Variants in PHLDB2 observed in about 807,000 individuals in gnomAD.
The protein encoded by PHLDB2 is pleckstrin homology-like domain family B member 2.
Under a neutral mutation model 123.6 loss-of-function variants are expected in PHLDB2, and 71 were observed. The ratio of observed to expected loss-of-function variants is 0.57; its 90% CI spans 0.47 to 0.70. The LOEUF (loss-of-function observed/expected upper bound fraction) is 0.70, where lower values mean the gene tolerates loss of function less well. Among genes scored for constraint, PHLDB2 ranks in the 30% least tolerant of loss-of-function variants. PHLDB2 has a pLI of 0.00. For missense variants in PHLDB2, 1,446 were observed against 1,519.5 expected, an observed-to-expected ratio of 0.95 and a Z score of 0.80; for synonymous variants, 547 against 541.6, an observed-to-expected ratio of 1.01 and a Z score of -0.14.
At chr3:111,868,400 C>G (rs1260967770) in intron 1 of PHLDB2, among the ~76,000 whole-genome samples, 3 of 152,038 alleles carry the variant, frequency 2.0e-5, no homozygotes, top group Non-Finnish European at 4.4e-5. Context: ...TTGGTATGCG[C>G]CCTCAGTCTC....
chr3:111,786,933 G>A (rs2060702015), intron 1 of PHLDB2, among the ~76,000 whole-genome samples: 1 of 152,060 alleles, frequency 6.6e-6, no homozygotes, highest in Admixed American at 6.6e-5. Flanking sequence ...AGCCTCAGAT[G>A]CAAAAACCAG....
chr3:111,883,959 C>T, intron 1 of PHLDB2, 105 bp from the exon 2 acceptor site: 1 of 1,052,120 alleles, frequency 9.5e-7, no homozygotes, highest in Non-Finnish European at 1.4e-6. Flanking sequence ...TTGTTAGTTG[C>T]ATTAGGTCAG....
intron 2 of PHLDB2, among the ~76,000 whole-genome samples, chr3:111,886,518 G>A (rs1303634562): frequency 1.3e-5 from 2 of 151,554 alleles, no homozygotes; most frequent in Non-Finnish European, 2.9e-5. Flanking sequence ...TTCTTCTCCA[G>A]TGTGGCCCAA....
At chr3:111,940,758 GA>G (rs1372981142) in intron 8 of PHLDB2, 113 bp downstream of exon 8, 6 of 472,566 alleles carry the variant, frequency 1.3e-5, no homozygotes, top group African/African-American at 1.2e-4. Flanking sequence ...ACAATTTAAG[GA>G]AGATTTTTAT....
chr3:111,972,733 G>A (rs1347679338), intron 16 of PHLDB2, among the ~76,000 whole-genome samples: 1 of 151,972 alleles, frequency 6.6e-6, no homozygotes, highest in Non-Finnish European at 1.5e-5. Flanking sequence ...TAACTTTGTA[G>A]ATTTCATTGT....
chr3:111,834,239 A>AC (rs1553737366), intron 1 of PHLDB2, among the ~76,000 whole-genome samples: 5 of 84,940 alleles, frequency 5.9e-5, no homozygotes, highest in Non-Finnish European at 1.0e-4. Flanking sequence ...TTATGTATAT[A>AC]ATAGAATTAT....
intron 2 of PHLDB2, among the ~76,000 whole-genome samples, chr3:111,848,517 C>A (rs1032466002): frequency 6.6e-6 from 1 of 152,226 alleles, no homozygotes; most frequent in Admixed American, 6.5e-5. Context: ...TTGACCCCCC[C>A]AAACAGCACT....
chr3:111,885,738 C>T, intron 2 of PHLDB2: 1 of 608,606 alleles, frequency 1.6e-6, no homozygotes, highest in Non-Finnish European at 2.9e-6. Context: ...CTCTTTAAGA[C>T]TATGAGGAAA....
chr3:111,893,093 C>CG (rs71920708), intron 2 of PHLDB2, among the ~76,000 whole-genome samples: 14 of 43,142 alleles, frequency 3.2e-4, no homozygotes, highest in East Asian at 4.5e-3. Flanking sequence ...GAGTCCTGAC[C>CG]ACCCCCCCAA....
Position 111,966,693 on chromosome 3 carries a change from T to C in PHLDB2, c.3158T>C (p.Leu1053Pro). 6.2e-7 allele frequency: 1 copy of C among 1,612,592 alleles called. No individual in the cohort carries two copies. Among genetic ancestry groups the C allele is most frequent in the East Asian group, 2.2e-5 (1 of 44,806 alleles). Residue 1053 changes from leucine (L) to proline (P), a missense_variant, in exon 14 of 18, where the codon CTC becomes CCC. Physicochemically the swap from Leu to Pro is moderately conservative, Grantham distance 98. Coordinates refer to ENST00000431670, the MANE Select transcript of PHLDB2 (RefSeq NM_001134438.2). ...GCTCATGCAGAAAAGACGCGGCTGC[T>C]CGAATCCAGGGTAAGCTTCATATTT... Reference protein sequence around the residue: ...KQAHAEKTRLLESREREMEAK... With the variant: ...KQAHAEKTRLPESREREMEAK...
chr3:111,949,740 C>T lies in PHLDB2; in HGVS notation c.2631+665C>T, dbSNP rs772557675. 18 of 985,666 alleles carry T rather than the reference C, an allele frequency of 1.8e-5. No individual in the cohort carries two copies. In the South Asian group the frequency reaches 1.9e-4, roughly 10 times the overall value. 61.1% of individuals were successfully genotyped at this position (985,666 alleles called of 1,614,324 possible). On this transcript the variant is annotated intron_variant, in intron 10 of 17. Transcript: ENST00000431670. ...TCTATTCTGGATTTGTGTTTCCTTC[C>T]GCTCTTTCTCCTCATCCTATCACTC...
At chr3:111,837,744 T>C (rs781246960) in intron 1 of PHLDB2, among the ~76,000 whole-genome samples, 3 of 152,154 alleles carry the variant, frequency 2.0e-5, no homozygotes, top group Non-Finnish European at 4.4e-5. Flanking sequence ...TTCTTACAAA[T>C]ACATATTACT....
At chr3:111,886,927 A>G (rs553453423) in intron 2 of PHLDB2, among the ~76,000 whole-genome samples, 1 of 152,362 alleles carries the variant, frequency 6.6e-6, no homozygotes, top group South Asian at 2.1e-4. Flanking sequence ...ATAGAATGCT[A>G]TACCATGCAG....
At position 111,966,701 on chromosome 3, in the gene PHLDB2, A is replaced by C; in HGVS notation, c.3166A>C (p.Arg1056=). Residue 1056 remains arginine, a splice_region_variant and synonymous_variant, in exon 14 of 18, where the codon AGG becomes CGG. Transcript: ENST00000431670. ...HAEKTRLLES[R]EREMEAKKRA... is the part of the protein sequence containing the mutation. ...AGAAAAGACGCGGCTGCTCGAATCC[A>C]GGGTAAGCTTCATATTTTCATGCCG... The C allele has an allele frequency of 6.2e-7, 1 of 1,611,698 alleles. No homozygotes were observed. The highest frequency in any genetic ancestry group is 8.5e-7 in the Non-Finnish European group (1 of 1,178,778).
At chr3:111,866,293 C>T (rs1015752244) in intron 1 of PHLDB2, among the ~76,000 whole-genome samples, 1 of 152,022 alleles carries the variant, frequency 6.6e-6, no homozygotes, top group East Asian at 1.9e-4. Context: ...GCTGGAATTA[C>T]AGGCATGAGC....
At chr3:111,758,863 G>A (rs77498191) in intron 1 of PHLDB2, among the ~76,000 whole-genome samples, 1,690 of 152,228 alleles carry the variant, frequency 0.011, 23 homozygotes, top group African/African-American at 0.032. Context: ...CATCAACCAC[G>A]ATAAACTCAT....
At chr3:111,819,251 G>A (rs1025002780) in intron 1 of PHLDB2, among the ~76,000 whole-genome samples, 6 of 152,200 alleles carry the variant, frequency 3.9e-5, no homozygotes, top group Middle Eastern at 3.4e-3. Context: ...ACGTATAAAT[G>A]GGGTGGGGGG....
intron 6 of PHLDB2, among the ~76,000 whole-genome samples, chr3:111,934,421 T>C (rs990264763): frequency 1.3e-4 from 20 of 152,214 alleles, no homozygotes; most frequent in African/African-American, 4.8e-4. Context: ...CCTTGGGCAT[T>C]TAAACTAGAT....
At chr3:111,896,756 CAAAA>C (rs71625223) in intron 2 of PHLDB2, among the ~76,000 whole-genome samples, 8 of 130,060 alleles carry the variant, frequency 6.2e-5, no homozygotes, top group African/African-American at 1.9e-4. Context: ...ATTGATTTTT[CAAAA>C]AAAAAAAAAA....
Sources: allele counts gnomAD v4.1 joint callset (sites outside exome capture counted in the v4.1 genomes callset), GRCh38; gene constraint gnomAD v4.1.1; transcripts MANE v1.5; gene names NCBI Gene and HGNC (gene_info 2026-07-23, HGNC 2026-07-21).